TBC1D4: variants seen among roughly 807,000 people sequenced by gnomAD.
TBC1D4 encodes the protein TBC (Tre-2, BUB2, CDC16) domain-containing protein.
A neutral mutation model predicts 142.5 loss-of-function variants in TBC1D4; 121 were observed. That is an observed-to-expected ratio of 0.85 (90% CI 0.73 to 0.99). TBC1D4 has a LOEUF of 0.99. TBC1D4 is among the 50% of genes least tolerant of loss of function. The pLI, the probability that TBC1D4 is intolerant of heterozygous loss-of-function variation, is 0.00. For missense variants in TBC1D4, 1,475 were observed against 1,606.6 expected (o/e 0.92, Z 1.40); for synonymous variants, 630 against 628.2 (o/e 1.00, Z -0.04).
chr13:75,460,826 G>A (rs1348071816), intron 1 of TBC1D4, among the ~76,000 whole-genome samples: 1 of 152,264 alleles, frequency 6.6e-6, no homozygotes, highest in Non-Finnish European at 1.5e-5. Flanking sequence ...GGGTGACTAA[G>A]GTGGGAGGAT....
chr13:75,338,085 T>C (rs1009756754), intron 7 of TBC1D4, among the ~76,000 whole-genome samples: 8 of 151,736 alleles, frequency 5.3e-5, no homozygotes, highest in Non-Finnish European at 8.8e-5. Flanking sequence ...GTGAATGTAA[T>C]GTTTTAGGGA....
chr13:75,332,446 C>T (rs1480040117), intron 8 of TBC1D4, among the ~76,000 whole-genome samples: 1 of 152,190 alleles, frequency 6.6e-6, no homozygotes, highest in Non-Finnish European at 1.5e-5. Flanking sequence ...ATGGTCTTTT[C>T]TGCTAAAATT....
intron 1 of TBC1D4, among the ~76,000 whole-genome samples, chr13:75,453,732 T>C (rs773198861): frequency 1.3e-5 from 2 of 151,870 alleles, no homozygotes; most frequent in Non-Finnish European, 2.9e-5. Flanking sequence ...GGTGGTGGCA[T>C]GTGCCTGTTA....
chr13:75,355,268 T>A (rs780895850), intron 4 of TBC1D4, among the ~76,000 whole-genome samples: 1 of 152,214 alleles, frequency 6.6e-6, no homozygotes, highest in Non-Finnish European at 1.5e-5. Context: ...ATCACATGTC[T>A]AAGAAAATAA....
chr13:75,301,657 A>C (rs1876567500), intron 16 of TBC1D4, among the ~76,000 whole-genome samples: 1 of 151,956 alleles, frequency 6.6e-6, no homozygotes, highest in Admixed American at 6.6e-5. Flanking sequence ...AAAAAAAAAA[A>C]AGACTGCTTT....
intron 12 of TBC1D4, among the ~76,000 whole-genome samples, chr13:75,315,189 T>G (rs1372713006): frequency 6.6e-6 from 1 of 150,706 alleles, no homozygotes; most frequent in Non-Finnish European, 1.5e-5. Flanking sequence ...ACACCTGTAA[T>G]CCCAGCTACT....
chr13:75,339,179 T>C (rs1654670398), intron 7 of TBC1D4, among the ~76,000 whole-genome samples: 1 of 152,208 alleles, frequency 6.6e-6, no homozygotes, highest in Non-Finnish European at 1.5e-5. Context: ...AGGGTCGCCA[T>C]TATTCATCAC....
intron 8 of TBC1D4, 26 bp downstream of exon 8, chr13:75,336,895 T>C (rs2138058059): frequency 1.9e-6 from 3 of 1,613,450 alleles, no homozygotes; most frequent in Non-Finnish European, 2.5e-6. Context: ...ATATGCATAC[T>C]TGAAAGACCA....
At chr13:75,429,217 T>C (rs1161075833) in intron 1 of TBC1D4, among the ~76,000 whole-genome samples, 1 of 152,196 alleles carries the variant, frequency 6.6e-6, no homozygotes. Context: ...GGAAAGAAAG[T>C]TAATTGTCTT....
intron 20 of TBC1D4, among the ~76,000 whole-genome samples, chr13:75,288,208 G>A (rs1874892073): frequency 6.6e-6 from 1 of 152,020 alleles, no homozygotes; most frequent in Non-Finnish European, 1.5e-5. Flanking sequence ...ACCTAGACAT[G>A]TCTCCCTCTC....
chr13:75,410,084 GAGTATTGTTGTGA>G, intron 1 of TBC1D4, among the ~76,000 whole-genome samples: 1 of 152,302 alleles, frequency 6.6e-6, no homozygotes, highest in Admixed American at 6.5e-5. Flanking sequence ...AGCACTCTCA[GAGTATTGTTGTGA>G]GGTTTAAATA....
intron 1 of TBC1D4, among the ~76,000 whole-genome samples, chr13:75,469,998 T>G (rs921189094): frequency 1.3e-5 from 2 of 152,094 alleles, no homozygotes; most frequent in African/African-American, 4.8e-5. Flanking sequence ...CAACAAAAAA[T>G]TTTTAAGTAG....
At chr13:75,325,568 T>C (rs1879162217) in intron 10 of TBC1D4, among the ~76,000 whole-genome samples, 1 of 152,222 alleles carries the variant, frequency 6.6e-6, no homozygotes. Context: ...TCCTCTTTAC[T>C]GTTTCTCACC....
intron 13 of TBC1D4, among the ~76,000 whole-genome samples, chr13:75,311,762 G>A (rs1027512752): frequency 5.9e-5 from 9 of 152,044 alleles, no homozygotes; most frequent in Non-Finnish European, 1.2e-4. Flanking sequence ...GAGAATATTT[G>A]TATAAATGAT....
Position 75,310,264 on chromosome 13 carries a change from C to T in TBC1D4, c.2384-113G>A, listed in dbSNP as rs555256768. ...TCTACACTTAAAAATGTCACAAAGC[C>T]GCTTTCCCTGTAACTTAGTTTCTGC... On this transcript the variant is annotated intron_variant, in intron 13 of 20. Coordinates refer to ENST00000377636, the MANE Select transcript of TBC1D4 (RefSeq NM_014832.5). The T allele has an allele frequency of 8.3e-6, 9 of 1,088,986 alleles. No individual in the cohort carries two copies. The East Asian group carries it at 1.5e-4, about 19-fold the overall frequency. 67.5% of individuals were successfully genotyped at this position (1,088,986 alleles called of 1,614,324 possible). A position where few individuals can be genotyped will look rare whatever the true frequency, so the allele number is the denominator to read the frequency against.
intron 1 of TBC1D4, chr13:75,375,914 C>T (rs529063785): frequency 1.3e-5 from 2 of 152,084 alleles, no homozygotes; most frequent in Non-Finnish European, 2.9e-5. Flanking sequence ...GTAGTCTTGA[C>T]TCTAGATAGC....
intron 1 of TBC1D4, among the ~76,000 whole-genome samples, chr13:75,400,350 C>CTAA (rs1885021127): frequency 1.3e-5 from 2 of 152,110 alleles, no homozygotes; most frequent in African/African-American, 2.4e-5. Flanking sequence ...CAGTAGCTTC[C>CTAA]TAATATACCC....
rs1881395234 is a variant in TBC1D4, at chr13:75,349,103, AG to A, written c.1408+66del. ...AAACAAAGAACTATTCAATGACAAT[AG>A]GGACTTTCTCATTTCCCAAATGCCA... On this transcript the variant is annotated intron_variant, in intron 5 of 20. Coordinates refer to ENST00000377636, the MANE Select transcript of TBC1D4 (RefSeq NM_014832.5). 4 of 1,607,936 alleles carry A rather than the reference AG, an allele frequency of 2.5e-6. 1 individual carries two copies. The South Asian group carries it at 4.4e-5, about 18-fold the overall frequency.
At chr13:75,463,185 A>AC (rs1888040562) in intron 1 of TBC1D4, among the ~76,000 whole-genome samples, 1 of 151,372 alleles carries the variant, frequency 6.6e-6, no homozygotes, top group Non-Finnish European at 1.5e-5. Flanking sequence ...CTATAGAAAA[A>AC]AAAAGTCATA....
Sources: allele counts gnomAD v4.1 joint callset (sites outside exome capture counted in the v4.1 genomes callset), GRCh38; gene constraint gnomAD v4.1.1; transcripts MANE v1.5; gene names NCBI Gene and HGNC (gene_info 2026-07-23, HGNC 2026-07-21).